Variants in LRBA observed in about 807,000 individuals in gnomAD.
LRBA encodes lipopolysaccharide-responsive and beige-like anchor protein.
A neutral mutation model predicts 330.0 loss-of-function variants in LRBA; 176 were observed. That is an observed-to-expected ratio of 0.53 (90% CI 0.47 to 0.60). The LOEUF is 0.60. Ranked by LOEUF, LRBA falls within the 20% of genes least tolerant of loss-of-function variation. The probability of loss-of-function intolerance (pLI) is 0.00; values close to 1 mark genes in which losing one functional copy is unlikely to be tolerated. For synonymous variants in LRBA, 1,230 were observed against 1,193.0 expected, an observed-to-expected ratio of 1.03 and a Z score of -0.64; for missense variants, 3,259 against 3,444.8, an observed-to-expected ratio of 0.95 and a Z score of 1.35.
At chr4:150,609,884 TA>T (rs1436552714) in intron 37 of LRBA, among the ~76,000 whole-genome samples, 1 of 152,114 alleles carries the variant, frequency 6.6e-6, no homozygotes, top group African/African-American at 2.4e-5. Context: ...CAGGGTTTGA[TA>T]AAGACAGAAG....
rs1288156579 is a variant in LRBA, at chr4:150,374,623, A to G, written c.7195-24464T>C. On this transcript the variant is annotated intron_variant, in intron 47 of 56. Coordinates refer to ENST00000651943, the MANE Select transcript of LRBA (RefSeq NM_001364905.1). The stretch of plus-strand genomic sequence containing the variant: ...GTCTGAAATTTTTTTGATCACCAAC[A>G]TGATGCTAAAAGGAAATGCTTATTG... 3.3e-5 allele frequency among the ~76,000 whole-genome samples: 5 copies of G among 152,348 alleles called. 1 individual carries two copies. The East Asian group carries it at 7.7e-4, about 23-fold the overall frequency.
At chr4:150,697,323 C>CATAAAAAA (rs1561527339) in intron 36 of LRBA, among the ~76,000 whole-genome samples, 1 of 1,484 alleles carries the variant, frequency 6.7e-4, no homozygotes, top group Non-Finnish European at 5.9e-3. Flanking sequence ...GACTTTGTCT[C>CATAAAAAA]AGAAAAAAAA....
intron 37 of LRBA, among the ~76,000 whole-genome samples, chr4:150,655,881 C>T (rs1561477551): frequency 6.6e-6 from 1 of 152,074 alleles, no homozygotes; most frequent in Non-Finnish European, 1.5e-5. Flanking sequence ...AGCTACTTTC[C>T]AAAGGTTCTA....
At chr4:150,685,435 T>TAC (rs1783524671) in intron 36 of LRBA, among the ~76,000 whole-genome samples, 9 of 73,384 alleles carry the variant, frequency 1.2e-4, no homozygotes, top group African/African-American at 4.8e-4. Context: ...TTTTTTTTTT[T>TAC]TTTTTTTTTT....
At chr4:150,432,913 T>C (rs762580282) in intron 46 of LRBA, among the ~76,000 whole-genome samples, 1 of 152,156 alleles carries the variant, frequency 6.6e-6, no homozygotes, top group Non-Finnish European at 1.5e-5. Context: ...ATTGTCAAAG[T>C]ATTTGAAAGT....
chr4:150,465,579 T>C (rs975082576), intron 44 of LRBA, among the ~76,000 whole-genome samples: 9 of 152,306 alleles, frequency 5.9e-5, no homozygotes, highest in Admixed American at 1.3e-4. Flanking sequence ...TGGTATCTTA[T>C]TGTGATTTTG....
intron 44 of LRBA, among the ~76,000 whole-genome samples, chr4:150,466,712 T>C (rs1755493953): frequency 6.6e-6 from 1 of 152,040 alleles, no homozygotes; most frequent in East Asian, 1.9e-4. Flanking sequence ...GAAAGAAGCT[T>C]TAGGAAAAAG....
intron 47 of LRBA, among the ~76,000 whole-genome samples, chr4:150,394,175 C>T (rs1156593737): frequency 1.3e-5 from 2 of 149,124 alleles, no homozygotes; most frequent in Admixed American, 6.7e-5. Flanking sequence ...TTAAAACCTA[C>T]TGCCTGTATT....
intron 36 of LRBA, among the ~76,000 whole-genome samples, chr4:150,704,545 AAAAG>A (rs1455525594): frequency 1.4e-4 from 22 of 152,118 alleles, no homozygotes; most frequent in Non-Finnish European, 2.5e-4. Context: ...TTCTATTTTT[AAAAG>A]AATTTTTGAT....
At chr4:150,677,751 C>G (rs1002302098) in intron 37 of LRBA, among the ~76,000 whole-genome samples, 4 of 150,826 alleles carry the variant, frequency 2.7e-5, no homozygotes, top group Admixed American at 2.0e-4. Flanking sequence ...TTGCAGTAAG[C>G]TATAATCACG....
intron 40 of LRBA, among the ~76,000 whole-genome samples, chr4:150,571,693 C>G (rs1769884888): frequency 8.6e-6 from 1 of 115,832 alleles, no homozygotes; most frequent in Admixed American, 1.1e-4. Context: ...TTCAGTTGCA[C>G]TGGACAAATG....
intron 40 of LRBA, chr4:150,582,950 G>T (rs1771586027): frequency 6.7e-7 from 1 of 1,496,528 alleles, no homozygotes; most frequent in Admixed American, 2.3e-5. Flanking sequence ...GAAAGCCGCT[G>T]GGCCACCACC....
chr4:150,503,289 T>C (rs2152120241), intron 40 of LRBA, among the ~76,000 whole-genome samples: 1 of 152,270 alleles, frequency 6.6e-6, no homozygotes, highest in East Asian at 1.9e-4. Flanking sequence ...GTAGCCTAAC[T>C]GGGAGGCACC....
chr4:150,867,953 T>C, intron 21 of LRBA, 90 bp from the exon 22 acceptor site: 1 of 1,098,224 alleles, frequency 9.1e-7, no homozygotes, highest in Non-Finnish European at 1.3e-6. Context: ...ACCCTGCCCC[T>C]CCCTTTCCCC....
intron 31 of LRBA, among the ~76,000 whole-genome samples, chr4:150,813,012 C>T (rs1301049515): frequency 6.6e-6 from 1 of 151,826 alleles, no homozygotes; most frequent in African/African-American, 2.4e-5. Flanking sequence ...TTAAAATTAG[C>T]CAGGAATGGT....
chr4:150,696,537 T>A (rs935174180), intron 36 of LRBA, among the ~76,000 whole-genome samples: 22 of 152,198 alleles, frequency 1.4e-4, no homozygotes, highest in African/African-American at 5.3e-4. Context: ...CTAACATTTA[T>A]TGTAGGCTTA....
chr4:150,777,066 TTTGTTGTTGTTG>T (rs70941442), intron 34 of LRBA, among the ~76,000 whole-genome samples: 6 of 134,366 alleles, frequency 4.5e-5, no homozygotes, highest in East Asian at 4.0e-4. Flanking sequence ...TTTGAGGGGT[TTTGTTGTTGTTG>T]TTGTTGTTGT....
intron 48 of LRBA, among the ~76,000 whole-genome samples, chr4:150,327,379 C>A (rs897271156): frequency 2.0e-5 from 3 of 152,052 alleles, no homozygotes; most frequent in African/African-American, 7.3e-5. Context: ...ATCATTGCAC[C>A]ACTGCACTCC....
intron 40 of LRBA, among the ~76,000 whole-genome samples, chr4:150,542,923 A>G (rs1765463730): frequency 6.6e-6 from 1 of 152,194 alleles, no homozygotes; most frequent in Non-Finnish European, 1.5e-5. Flanking sequence ...GTGGTACTAA[A>G]AAATTAGACC....
Sources: allele counts gnomAD v4.1 joint callset (sites outside exome capture counted in the v4.1 genomes callset), GRCh38; gene constraint gnomAD v4.1.1; transcripts MANE v1.5; gene names NCBI Gene and HGNC (gene_info 2026-07-23, HGNC 2026-07-21).